RANBP2: variants seen among roughly 807,000 people sequenced by gnomAD.
RANBP2 encodes the protein E3 SUMO-protein ligase RanBP2.
In RANBP2, 57 loss-of-function variants were observed where a neutral mutation model predicts 303.6. The observed-to-expected ratio is 0.19, with a 90% CI of 0.15 to 0.23. The LOEUF is 0.23. Ranked by LOEUF, RANBP2 falls within the 10% of genes least tolerant of loss-of-function variation. RANBP2 has a pLI of 1.00. For missense variants in RANBP2, 3,138 were observed against 3,780.8 expected, an observed-to-expected ratio of 0.83 and a Z score of 4.46; for synonymous variants, 1,167 against 1,301.5, an observed-to-expected ratio of 0.90 and a Z score of 2.23.
chr2:108,735,916 A>T (rs1695543769), intron 5 of RANBP2, among the ~76,000 whole-genome samples, 154 bp downstream of exon 5: 1 of 152,244 alleles, frequency 6.6e-6, no homozygotes. Flanking sequence ...AGTTAAATTT[A>T]TAATGGGAAG....
the RANBP2 span, among the ~76,000 whole-genome samples, chr2:108,850,850 A>C: frequency 6.6e-6 from 1 of 151,788 alleles, no homozygotes; most frequent in African/African-American, 2.4e-5. Context: ...ACAGAAGAAG[A>C]CTTCTGTGAC....
the RANBP2 span, among the ~76,000 whole-genome samples, chr2:109,541,849 C>T: frequency 4.6e-5 from 7 of 152,302 alleles, 1 homozygote; most frequent in African/African-American, 1.7e-4. Context: ...CAGCCTGCTC[C>T]GGCTGCTCCA....
At chr2:109,217,361 G>A in the RANBP2 span, among the ~76,000 whole-genome samples, 1 of 152,138 alleles carries the variant, frequency 6.6e-6, no homozygotes, top group Non-Finnish European at 1.5e-5. Flanking sequence ...TTACCATATC[G>A]TGAATGAGGC....
chr2:109,268,534 C>T, the RANBP2 span, among the ~76,000 whole-genome samples: 8 of 152,300 alleles, frequency 5.3e-5, no homozygotes, highest in East Asian at 1.9e-4. Flanking sequence ...CCCCATTGCC[C>T]GACCACAGGG....
chr2:109,160,022 C>T, the RANBP2 span, among the ~76,000 whole-genome samples: 7 of 152,196 alleles, frequency 4.6e-5, no homozygotes, highest in East Asian at 3.8e-4. Context: ...ACCATCTCCC[C>T]GCCAGGTCCA....
chr2:109,294,300 C>G, the RANBP2 span, among the ~76,000 whole-genome samples: 1 of 152,060 alleles, frequency 6.6e-6, no homozygotes, highest in Non-Finnish European at 1.5e-5. Context: ...GGTGGTCATG[C>G]CTGTAATCCC....
At chr2:109,514,660 G>A in the RANBP2 span, among the ~76,000 whole-genome samples, 3 of 152,218 alleles carry the variant, frequency 2.0e-5, no homozygotes, top group African/African-American at 7.2e-5. Context: ...GTGGCCTCAG[G>A]TGTGGCTACA....
the RANBP2 span, among the ~76,000 whole-genome samples, chr2:108,866,760 A>G: frequency 1.3e-5 from 2 of 152,012 alleles, no homozygotes; most frequent in African/African-American, 2.4e-5. Flanking sequence ...ACGGGTGCCT[A>G]TAATCCCAGT....
the RANBP2 span, among the ~76,000 whole-genome samples, chr2:109,688,402 G>A: frequency 2.0e-5 from 3 of 152,122 alleles, no homozygotes; most frequent in African/African-American, 4.8e-5. Context: ...TCAGGAGCGC[G>A]ACCCCTGCAG....
At chr2:109,682,262 AG>A in the RANBP2 span, among the ~76,000 whole-genome samples, 2 of 152,240 alleles carry the variant, frequency 1.3e-5, no homozygotes. Context: ...CAGGATGCCC[AG>A]GTAAATGTGA....
the RANBP2 span, among the ~76,000 whole-genome samples, chr2:109,331,180 G>T: frequency 6.6e-6 from 1 of 152,162 alleles, no homozygotes; most frequent in African/African-American, 2.4e-5. Context: ...GTTCCCTGGA[G>T]CATGGGGAAT....
At chr2:109,378,957 T>A in the RANBP2 span, among the ~76,000 whole-genome samples, 1 of 152,198 alleles carries the variant, frequency 6.6e-6, no homozygotes, top group East Asian at 1.9e-4. Context: ...TCTCTACAGC[T>A]CCCTCCTCTC....
intron 21 of RANBP2, among the ~76,000 whole-genome samples, 165 bp downstream of exon 21, chr2:108,772,036 T>C (rs928368285): frequency 1.3e-5 from 2 of 152,230 alleles, no homozygotes; most frequent in Non-Finnish European, 2.9e-5. Flanking sequence ...GATATAGTGA[T>C]CAAAAGGACT....
At chr2:109,093,069 A>T in the RANBP2 span, among the ~76,000 whole-genome samples, 1 of 152,232 alleles carries the variant, frequency 6.6e-6, no homozygotes, top group African/African-American at 2.4e-5. Context: ...TCTGCCATCC[A>T]GAGGACAGCA....
chr2:109,574,157 C>T, the RANBP2 span, among the ~76,000 whole-genome samples: 3 of 151,580 alleles, frequency 2.0e-5, no homozygotes, highest in Admixed American at 1.3e-4. Context: ...GATTTCCAGG[C>T]GCTGGGCATG....
chr2:108,827,299 C>T, the RANBP2 span, among the ~76,000 whole-genome samples: 2 of 152,090 alleles, frequency 1.3e-5, no homozygotes, highest in South Asian at 2.1e-4. Flanking sequence ...CTTCCAAATA[C>T]ATCAATATCT....
At chr2:109,047,496 A>AAAAC in the RANBP2 span, among the ~76,000 whole-genome samples, 372 of 152,270 alleles carry the variant, frequency 2.4e-3, 2 homozygotes, top group East Asian at 0.022. Context: ...GGCTCAAAGA[A>AAAAC]AAACAAACAA....
At chr2:109,314,005 A>G in the RANBP2 span, among the ~76,000 whole-genome samples, 8 of 152,166 alleles carry the variant, frequency 5.3e-5, no homozygotes, top group Admixed American at 5.2e-4. Flanking sequence ...GACAAGAAGG[A>G]GTACCAGGCT....
In RANBP2 at chr2:108,764,563, C is replaced by G. The variant is rs1435301756; in HGVS notation, c.4024C>G (p.Leu1342Val). 1.2e-6 allele frequency: 2 copies of G among 1,613,870 alleles called. No individual in the cohort carries two copies. Among genetic ancestry groups the G allele is most frequent in the Non-Finnish European group, 1.7e-6 (2 of 1,179,942 alleles). Residue 1342 changes from leucine (L) to valine (V), a missense_variant, in exon 20 of 29, where the codon CTG becomes GTG. Coordinates refer to ENST00000283195, the MANE Select transcript of RANBP2 (RefSeq NM_006267.5). ...KDICKSDAGN[L>V]NFEFQVAKKE... ...TATTTGCAAATCTGATGCTGGAAACCTGAATTTTGAATTTCAGGTTGCAAA... is the reference window on the plus strand; with the variant it reads ...TATTTGCAAATCTGATGCTGGAAACGTGAATTTTGAATTTCAGGTTGCAAA...
Sources: allele counts gnomAD v4.1 joint callset (sites outside exome capture counted in the v4.1 genomes callset), GRCh38; gene constraint gnomAD v4.1.1; transcripts MANE v1.5; gene names NCBI Gene and HGNC (gene_info 2026-07-23, HGNC 2026-07-21).